Variants in SH3GL2 observed in about 807,000 individuals in gnomAD.
The protein encoded by SH3GL2 is endophilin-A1.
Under a neutral mutation model 46.0 loss-of-function variants are expected in SH3GL2, and 24 were observed. The ratio of observed to expected loss-of-function variants is 0.52; its 90% CI spans 0.38 to 0.73. SH3GL2 has a LOEUF of 0.73. Ranked by LOEUF, SH3GL2 falls within the 30% of genes least tolerant of loss-of-function variation. The pLI, the probability that SH3GL2 is intolerant of heterozygous loss-of-function variation, is 0.00. For synonymous variants in SH3GL2, 196 were observed against 147.1 expected, an observed-to-expected ratio of 1.33 and a Z score of -2.40; for missense variants, 413 against 424.2, an observed-to-expected ratio of 0.97 and a Z score of 0.23.
At chr9:17,628,791 A>T (rs1323269841) in intron 1 of SH3GL2, among the ~76,000 whole-genome samples, 1 of 152,056 alleles carries the variant, frequency 6.6e-6, no homozygotes, top group Non-Finnish European at 1.5e-5. Flanking sequence ...CTGCCCTTTT[A>T]TAGATCTTCA....
intron 1 of SH3GL2, among the ~76,000 whole-genome samples, chr9:17,610,748 C>G (rs986848302): frequency 1.3e-5 from 2 of 151,662 alleles, no homozygotes; most frequent in East Asian, 3.9e-4. Context: ...TTAATAAAAG[C>G]GAATATCTTC....
intron 1 of SH3GL2, among the ~76,000 whole-genome samples, chr9:17,738,572 A>ACATATGTGTG (rs1563833765): frequency 3.0e-5 from 2 of 66,878 alleles, no homozygotes; most frequent in African/African-American, 4.3e-5. Flanking sequence ...ATACATATAT[A>ACATATGTGTG]TATAGAGAGA....
At chr9:17,706,711 T>G (rs1299466314) in intron 1 of SH3GL2, among the ~76,000 whole-genome samples, 3 of 152,084 alleles carry the variant, frequency 2.0e-5, no homozygotes, top group East Asian at 3.9e-4. Flanking sequence ...CTCCTGGCTT[T>G]AGACATCTTA....
At chr9:17,595,606 G>A (rs1290709549) in intron 1 of SH3GL2, among the ~76,000 whole-genome samples, 2 of 152,138 alleles carry the variant, frequency 1.3e-5, no homozygotes, top group Non-Finnish European at 2.9e-5. Flanking sequence ...ATTGTTCACT[G>A]TAGTAGTTAT....
At chr9:17,750,626 A>G (rs568145872) in intron 2 of SH3GL2, among the ~76,000 whole-genome samples, 30 of 152,170 alleles carry the variant, frequency 2.0e-4, no homozygotes, top group Non-Finnish European at 3.2e-4. Flanking sequence ...AAGCTTTGTT[A>G]AACACAGGCT....
chr9:17,681,856 A>G (rs894675840), intron 1 of SH3GL2, among the ~76,000 whole-genome samples: 16 of 152,342 alleles, frequency 1.1e-4, no homozygotes, highest in African/African-American at 3.8e-4. Flanking sequence ...ACAAATTTAC[A>G]AGAAAAAACC....
At chr9:17,758,716 G>A (rs1213700572) in intron 2 of SH3GL2, among the ~76,000 whole-genome samples, 1 of 151,992 alleles carries the variant, frequency 6.6e-6, no homozygotes, top group African/African-American at 2.4e-5. Flanking sequence ...CAGAGGTGGT[G>A]GATTTCAAGC....
chr9:17,706,707 G>C (rs1426116432), intron 1 of SH3GL2, among the ~76,000 whole-genome samples: 1 of 151,700 alleles, frequency 6.6e-6, no homozygotes, highest in African/African-American at 2.4e-5. Context: ...TTTCCTCCTG[G>C]CTTTAGACAT....
chr9:17,642,141 G>C (rs1163369537), intron 1 of SH3GL2, among the ~76,000 whole-genome samples: 1 of 152,006 alleles, frequency 6.6e-6, no homozygotes, highest in Non-Finnish European at 1.5e-5. Flanking sequence ...ATGTTTATTG[G>C]CTGCATAAAT....
intron 6 of SH3GL2, 68 bp from the exon 7 acceptor site, chr9:17,791,163 A>C (rs1207490530): frequency 8.0e-6 from 9 of 1,130,588 alleles, no homozygotes; most frequent in African/African-American, 3.1e-5. Flanking sequence ...TGTATGTATG[A>C]AACAGTAGTG....
intron 3 of SH3GL2, among the ~76,000 whole-genome samples, chr9:17,766,339 T>C (rs1271840943): frequency 6.6e-6 from 1 of 152,232 alleles, no homozygotes; most frequent in African/African-American, 2.4e-5. Flanking sequence ...ATTCCTAAAA[T>C]GCTTAAATAA....
At chr9:17,605,380 G>C (rs1318324379) in intron 1 of SH3GL2, among the ~76,000 whole-genome samples, 1 of 152,108 alleles carries the variant, frequency 6.6e-6, no homozygotes, top group African/African-American at 2.4e-5. Context: ...CCTACTTCCA[G>C]AGGAAGACTT....
At chr9:17,688,823 A>T (rs115809408) in intron 1 of SH3GL2, among the ~76,000 whole-genome samples, 86 of 152,214 alleles carry the variant, frequency 5.6e-4, no homozygotes, top group African/African-American at 2.0e-3. Context: ...TACTGATGGA[A>T]GTAAATGATG....
At chr9:17,751,639 G>C (rs983675330) in intron 2 of SH3GL2, among the ~76,000 whole-genome samples, 2 of 152,152 alleles carry the variant, frequency 1.3e-5, no homozygotes. Context: ...GTCATCTCTT[G>C]TGAGTTTTGT....
chr9:17,661,414 A>T (rs1375584477), intron 1 of SH3GL2, among the ~76,000 whole-genome samples: 1 of 152,168 alleles, frequency 6.6e-6, no homozygotes, highest in Admixed American at 6.5e-5. Flanking sequence ...AGATGTGTAC[A>T]CAGTGGTGTA....
At chr9:17,745,528 C>T (rs1822658441) in intron 1 of SH3GL2, among the ~76,000 whole-genome samples, 1 of 152,056 alleles carries the variant, frequency 6.6e-6, no homozygotes, top group Non-Finnish European at 1.5e-5. Context: ...TCTCCTATTT[C>T]TACTGATGGG....
intron 1 of SH3GL2, among the ~76,000 whole-genome samples, chr9:17,599,694 A>C (rs1344768443): frequency 6.6e-6 from 1 of 152,174 alleles, no homozygotes; most frequent in Non-Finnish European, 1.5e-5. Flanking sequence ...GACAGATTCT[A>C]GCCAGGCATT....
At chr9:17,625,368 A>G (rs1406188348) in intron 1 of SH3GL2, among the ~76,000 whole-genome samples, 2 of 152,178 alleles carry the variant, frequency 1.3e-5, no homozygotes, top group Admixed American at 1.3e-4. Context: ...CTGTGGCAAC[A>G]CACAGTTCGT....
intron 1 of SH3GL2, among the ~76,000 whole-genome samples, chr9:17,652,651 C>T (rs921890979): frequency 2.6e-5 from 4 of 152,108 alleles, no homozygotes; most frequent in Non-Finnish European, 2.9e-5. Flanking sequence ...ATCCAGAATG[C>T]TCTGAAATCT....
Sources: gnomAD v4.1 joint callset for allele counts (sites outside exome capture counted in the v4.1 genomes callset) on GRCh38, gnomAD v4.1.1 for gene constraint, MANE v1.5 for transcripts, NCBI Gene and HGNC (gene_info 2026-07-23, HGNC 2026-07-21) for gene names.